Variants in PTK2 observed in about 807,000 individuals in gnomAD.
The protein encoded by PTK2 is focal adhesion kinase 1.
A neutral mutation model predicts 150.1 loss-of-function variants in PTK2; 45 were observed. That is an observed-to-expected ratio of 0.30 (90% CI 0.24 to 0.38). The LOEUF (loss-of-function observed/expected upper bound fraction) is 0.38, where lower values mean the gene tolerates loss of function less well. Ranked by LOEUF, PTK2 falls within the 10% of genes least tolerant of loss-of-function variation. The pLI, the probability that PTK2 is intolerant of heterozygous loss-of-function variation, is 1.00. For synonymous variants in PTK2, 432 were observed against 449.2 expected, an observed-to-expected ratio of 0.96 and a Z score of 0.48; for missense variants, 919 against 1,307.3, an observed-to-expected ratio of 0.70 and a Z score of 4.58.
At chr8:140,751,531 G>A (rs1414022729) in intron 17 of PTK2, among the ~76,000 whole-genome samples, 5 of 150,672 alleles carry the variant, frequency 3.3e-5, no homozygotes, top group African/African-American at 1.2e-4. Context: ...TTGCTCTATT[G>A]CCCAGGCTGA....
intron 1 of PTK2, among the ~76,000 whole-genome samples, chr8:140,985,711 G>T (rs2100193051): frequency 6.6e-6 from 1 of 152,210 alleles, no homozygotes; most frequent in South Asian, 2.1e-4. Flanking sequence ...GACTGCCTAA[G>T]GGCAGGGATG....
At chr8:140,998,787 C>G (rs1372642907) in intron 1 of PTK2, among the ~76,000 whole-genome samples, 1 of 150,206 alleles carries the variant, frequency 6.7e-6, no homozygotes, top group Non-Finnish European at 1.5e-5. Flanking sequence ...CCACTGCACT[C>G]CAGCCTGGGC....
exon 32 of PTK2, chr8:140,659,479 G>A (rs746222859): frequency 1.6e-5 from 25 of 1,612,382 alleles, no homozygotes; most frequent in Non-Finnish European, 2.0e-5. Context: ...GTGTGGTCTC[G>A]TCTGCCCAAG....
intron 2 of PTK2, among the ~76,000 whole-genome samples, chr8:140,909,977 C>T (rs540575084): frequency 6.6e-5 from 10 of 152,190 alleles, no homozygotes; most frequent in African/African-American, 2.2e-4. Flanking sequence ...TTAAAAATTT[C>T]TCCTAAAGCT....
intron 13 of PTK2, among the ~76,000 whole-genome samples, chr8:140,791,316 ACAGGAACATGCCACATTGCC>A (rs1019799335): frequency 3.9e-5 from 6 of 152,174 alleles, no homozygotes; most frequent in Non-Finnish European, 7.4e-5. Context: ...CCTCAGAACC[ACAGGAACATGCCACATTGCC>A]CAGCTTTGAT....
exon 14 of PTK2, chr8:140,789,512 T>C: frequency 6.2e-7 from 1 of 1,613,454 alleles, no homozygotes; most frequent in Non-Finnish European, 8.5e-7. Context: ...GCCTTGCTTT[T>C]CGCTGTTGGC....
At chr8:140,706,261 A>G (rs2100033726) in intron 23 of PTK2, 56 bp from the exon 27 acceptor site, 4 of 1,338,926 alleles carry the variant, frequency 3.0e-6, no homozygotes, top group African/African-American at 1.5e-5. Context: ...ACAAACCTGT[A>G]CTTTATGAAT....
intron 11 of PTK2, 82 bp downstream of exon 11, chr8:140,803,461 T>C (rs1442219065): frequency 1.1e-5 from 13 of 1,141,502 alleles, no homozygotes; most frequent in East Asian, 7.2e-5. Context: ...AAAAACTTCA[T>C]CCTTTTCATA....
intron 8 of PTK2, among the ~76,000 whole-genome samples, chr8:140,830,043 AAGAC>A (rs1159074033): frequency 1.3e-5 from 2 of 151,864 alleles, no homozygotes; most frequent in African/African-American, 4.8e-5. Flanking sequence ...GTTGAAACAA[AAGAC>A]AGACCTTCAA....
intron 27 of PTK2, among the ~76,000 whole-genome samples, chr8:140,682,890 A>G (rs549182809): frequency 1.3e-5 from 2 of 152,142 alleles, no homozygotes; most frequent in Admixed American, 1.3e-4. Flanking sequence ...AACATCTACA[A>G]CAAAAAGTTA....
chr8:140,836,046 G>C (rs548282650), intron 7 of PTK2, among the ~76,000 whole-genome samples: 3 of 152,088 alleles, frequency 2.0e-5, no homozygotes, highest in South Asian at 4.2e-4. Flanking sequence ...CCACGACCCT[G>C]AACTGGAATA....
In PTK2 at chr8:140,919,004, G is replaced by A. The variant is rs184439186; in HGVS notation, c.-33+6657C>T. 4.8e-3 allele frequency among the ~76,000 whole-genome samples: 728 copies of A among 152,192 alleles called. 7 individuals are homozygous for A. Among genetic ancestry groups the A allele is most frequent in the Non-Finnish European group, 4.3e-3 (294 of 68,012 alleles). ...CTGTCCTGGTACAAGAGTAACATGA[G>A]GGGAGAGAGAGGAAGTTTACTAAGA... is the stretch of plus-strand genomic sequence containing the variant. On this transcript the variant is annotated intron_variant, in intron 2 of 31. Transcript: ENST00000522684.
chr8:140,831,211 T>C (rs1180115136), intron 7 of PTK2, among the ~76,000 whole-genome samples: 1 of 152,228 alleles, frequency 6.6e-6, no homozygotes, highest in African/African-American at 2.4e-5. Context: ...GAAAATAGGT[T>C]GGAAAGAATA....
intron 1 of PTK2, among the ~76,000 whole-genome samples, chr8:140,938,507 A>G (rs1053842899): frequency 3.9e-5 from 6 of 152,148 alleles, no homozygotes; most frequent in African/African-American, 1.2e-4. Flanking sequence ...AGTTTCCCCA[A>G]TAAATGCTCT....
chr8:140,874,540 G>C (rs1209846356), intron 4 of PTK2, among the ~76,000 whole-genome samples: 1 of 152,134 alleles, frequency 6.6e-6, no homozygotes, highest in Non-Finnish European at 1.5e-5. Flanking sequence ...TCTAATACAG[G>C]AGTAGAGAAG....
intron 5 of PTK2, among the ~76,000 whole-genome samples, chr8:140,851,245 A>T: frequency 6.6e-6 from 1 of 152,340 alleles, no homozygotes; most frequent in East Asian, 1.9e-4. Flanking sequence ...CTAAGCTATA[A>T]AAATATACAA....
At chr8:140,678,780 G>A (rs991841380) in intron 27 of PTK2, among the ~76,000 whole-genome samples, 3 of 152,112 alleles carry the variant, frequency 2.0e-5, no homozygotes, top group African/African-American at 7.2e-5. Flanking sequence ...AACCGAATGT[G>A]TGAGGAACAG....
At chr8:140,989,878 A>T (rs1368390106) in intron 1 of PTK2, among the ~76,000 whole-genome samples, 1 of 150,094 alleles carries the variant, frequency 6.7e-6, no homozygotes, top group Non-Finnish European at 1.5e-5. Flanking sequence ...AGTGCACTCC[A>T]GTCTGGGCAA....
At chr8:140,880,822 T>A (rs1340233609) in intron 3 of PTK2, among the ~76,000 whole-genome samples, 1 of 152,138 alleles carries the variant, frequency 6.6e-6, no homozygotes, top group Non-Finnish European at 1.5e-5. Context: ...ATATGCACAC[T>A]GAGGATGTGT....
Sources: allele counts gnomAD v4.1 joint callset (sites outside exome capture counted in the v4.1 genomes callset), GRCh38; gene constraint gnomAD v4.1.1; transcripts MANE v1.5; gene names NCBI Gene and HGNC (gene_info 2026-07-23, HGNC 2026-07-21).